The following ARHGEF10L variants were observed in gnomAD, a reference collection of about 807,000 sequenced individuals.
ARHGEF10L encodes rho guanine nucleotide exchange factor 10-like protein.
In ARHGEF10L, 69 loss-of-function variants were observed where a neutral mutation model predicts 141.2. The observed-to-expected ratio is 0.49, with a 90% CI of 0.40 to 0.60. The LOEUF (loss-of-function observed/expected upper bound fraction) is 0.60. Among genes scored for constraint, ARHGEF10L ranks in the 20% least tolerant of loss-of-function variants. The pLI, the probability that ARHGEF10L is intolerant of heterozygous loss-of-function variation, is 0.00. For synonymous variants in ARHGEF10L, 711 were observed against 718.5 expected, an observed-to-expected ratio of 0.99 and a Z score of 0.17; for missense variants, 1,482 against 1,734.3, an observed-to-expected ratio of 0.85 and a Z score of 2.58.
chr1:17,541,987 A>G (rs1303524668), intron 1 of ARHGEF10L, among the ~76,000 whole-genome samples: 1 of 150,958 alleles, frequency 6.6e-6, no homozygotes, highest in Non-Finnish European at 1.5e-5. Context: ...ACGAAAACAG[A>G]AATTAGCTGG....
chr1:17,632,601 C>T (rs2060763930), intron 16 of ARHGEF10L, 135 bp downstream of exon 16: 7 of 1,183,826 alleles, frequency 5.9e-6, no homozygotes, highest in Non-Finnish European at 8.5e-6. Context: ...ATTCCTCTCC[C>T]ATCCCTCTTG....
At chr1:17,554,072 G>T (rs1249471307) in intron 1 of ARHGEF10L, among the ~76,000 whole-genome samples, 33 of 152,182 alleles carry the variant, frequency 2.2e-4, no homozygotes, top group Non-Finnish European at 4.4e-5. Flanking sequence ...TTCCTTGTGG[G>T]GGTGGGTACG....
intron 1 of ARHGEF10L, among the ~76,000 whole-genome samples, chr1:17,552,310 T>C (rs2077142758): frequency 2.0e-5 from 3 of 152,176 alleles, no homozygotes; most frequent in African/African-American, 7.2e-5. Context: ...AGAGATAATA[T>C]GAAATGTGAC....
In ARHGEF10L at chr1:17,640,321, A is replaced by G; in HGVS notation, c.2272+19A>G. 6.3e-7 allele frequency: 1 copy of G among 1,593,530 alleles called. No individual in the cohort carries two copies. The highest frequency in any genetic ancestry group is 8.6e-7 in the Non-Finnish European group (1 of 1,165,670). On this transcript the variant is annotated intron_variant, in intron 21 of 28. Transcript: ENST00000361221. ...GGACTCCGTGAGTATAGCCCCAGGG[A>G]GAGTGCCTCAGGGGGCAGGGGTGTG...
chr1:17,519,436 C>A, the ARHGEF10L span, among the ~76,000 whole-genome samples: 2 of 151,710 alleles, frequency 1.3e-5, no homozygotes, highest in Non-Finnish European at 2.9e-5. Context: ...ATGGTGAAAC[C>A]CTGTCTTTAC....
chr1:17,522,194 T>A, the ARHGEF10L span, among the ~76,000 whole-genome samples: 1 of 151,954 alleles, frequency 6.6e-6, no homozygotes, highest in East Asian at 1.9e-4. Context: ...TTATCAACAT[T>A]TTGGCCTCCT....
At chr1:17,647,795 A>T (rs185203536) in intron 21 of ARHGEF10L, among the ~76,000 whole-genome samples, 1 of 152,210 alleles carries the variant, frequency 6.6e-6, no homozygotes, top group African/African-American at 2.4e-5. Flanking sequence ...GACTTCTCGG[A>T]GGAGGGGACA....
intron 4 of ARHGEF10L, among the ~76,000 whole-genome samples, chr1:17,599,161 C>T (rs1182119947): frequency 6.6e-6 from 1 of 152,166 alleles, no homozygotes; most frequent in African/African-American, 2.4e-5. Flanking sequence ...CGTGGCGAAA[C>T]CCCATCTCTA....
chr1:17,591,636 T>A (rs1024525006), intron 4 of ARHGEF10L, among the ~76,000 whole-genome samples: 1 of 152,172 alleles, frequency 6.6e-6, no homozygotes, highest in Non-Finnish European at 1.5e-5. Flanking sequence ...GGTCTTGAGC[T>A]CCTGACCTCA....
the ARHGEF10L span, among the ~76,000 whole-genome samples, chr1:17,522,991 G>T: frequency 3.9e-5 from 6 of 152,110 alleles, no homozygotes; most frequent in African/African-American, 1.4e-4. Flanking sequence ...AGCTACTCGG[G>T]AAGCTGAGAT....
At chr1:17,642,235 G>A (rs915525334) in intron 21 of ARHGEF10L, among the ~76,000 whole-genome samples, 1 of 152,122 alleles carries the variant, frequency 6.6e-6, no homozygotes, top group Non-Finnish European at 1.5e-5. Flanking sequence ...TGCCATCTGG[G>A]GGACCCCTGA....
At chr1:17,655,027 C>G (rs757422335) in intron 23 of ARHGEF10L, among the ~76,000 whole-genome samples, 1 of 152,180 alleles carries the variant, frequency 6.6e-6, no homozygotes, top group Non-Finnish European at 1.5e-5. Flanking sequence ...GGATCTTCAC[C>G]CCTGGAGTCA....
intron 27 of ARHGEF10L, chr1:17,690,003 G>T (rs1362856734): frequency 5.6e-6 from 2 of 358,454 alleles, no homozygotes; most frequent in African/African-American, 4.3e-5. Context: ...AAGGAAGGAA[G>T]GGCATTCGTT....
At chr1:17,674,677 C>T (rs946623772) in intron 26 of ARHGEF10L, among the ~76,000 whole-genome samples, 1 of 152,238 alleles carries the variant, frequency 6.6e-6, no homozygotes, top group Non-Finnish European at 1.5e-5. Context: ...TTAACATAGT[C>T]ACGTGCTGCA....
At chr1:17,592,174 C>T (rs189896264) in intron 4 of ARHGEF10L, among the ~76,000 whole-genome samples, 14 of 152,298 alleles carry the variant, frequency 9.2e-5, no homozygotes, top group African/African-American at 1.2e-4. Context: ...TCGCTGGCTT[C>T]CTGTGTTTTT....
the ARHGEF10L span, among the ~76,000 whole-genome samples, chr1:17,531,418 G>A: frequency 6.6e-6 from 1 of 152,204 alleles, no homozygotes; most frequent in Non-Finnish European, 1.5e-5. Flanking sequence ...TTGAGTTCTT[G>A]GGGGAAGACT....
chr1:17,634,299 A>C, intron 16 of ARHGEF10L: 1 of 648,054 alleles, frequency 1.5e-6, no homozygotes, highest in Non-Finnish European at 2.7e-6. Flanking sequence ...ACTTCACTTG[A>C]CTGAGGATCA....
intron 1 of ARHGEF10L, among the ~76,000 whole-genome samples, chr1:17,572,422 G>A (rs1470038881): frequency 6.6e-6 from 1 of 152,098 alleles, no homozygotes; most frequent in East Asian, 1.9e-4. Flanking sequence ...TGTGCTTTAG[G>A]TGAGTTCCTG....
Position 17,639,573 on chromosome 1 carries a change from C to T in ARHGEF10L, c.2172-629C>T, listed in dbSNP as rs1008304187. Among the ~76,000 whole-genome samples the T allele has an allele frequency of 6.6e-6, 1 of 152,158 alleles. No homozygotes were observed. The highest frequency in any genetic ancestry group is 2.4e-5 in the African/African-American group (1 of 41,446). ...CTTCCTCCATCTCCCTTCTCTCTGC[C>T]TCTCATTCTCCACGTGCACCCTAGA... On this transcript the variant is annotated intron_variant, in intron 20 of 28. Transcript: ENST00000361221. This position sits in a 1 kb window ranked among gnomAD's most constrained non-coding sequence, Gnocchi z 4.3.
Sources: allele counts gnomAD v4.1 joint callset (sites outside exome capture counted in the v4.1 genomes callset), GRCh38; gene constraint gnomAD v4.1.1; non-coding constraint Gnocchi (gnomAD v3.1); transcripts MANE v1.5; gene names NCBI Gene and HGNC (gene_info 2026-07-23, HGNC 2026-07-21).